The following KDM5A variants were observed in gnomAD, a reference collection of about 807,000 sequenced individuals.
KDM5A encodes lysine-specific demethylase 5A.
A neutral mutation model predicts 193.5 loss-of-function variants in KDM5A; 42 were observed. The ratio of observed to expected loss-of-function variants is 0.22; its 90% confidence interval spans 0.17 to 0.28. The LOEUF (loss-of-function observed/expected upper bound fraction) is 0.28. Ranked by LOEUF, KDM5A falls within the 10% of genes least tolerant of loss-of-function variation. The pLI, the probability that KDM5A is intolerant of heterozygous loss-of-function variation, is 1.00. For missense variants in KDM5A, 1,692 were observed against 2,055.1 expected (o/e 0.82, Z 3.42); for synonymous variants, 796 against 718.1 (o/e 1.11, Z -1.73).
intron 22 of KDM5A, among the ~76,000 whole-genome samples, chr12:308,684 A>C (rs556705668): frequency 1.3e-5 from 2 of 152,358 alleles, no homozygotes; most frequent in South Asian, 4.1e-4. Flanking sequence ...CTTTGAAACA[A>C]TTTTGAAATA....
At chr12:368,186 T>C (rs1375569911) in intron 3 of KDM5A, among the ~76,000 whole-genome samples, 1 of 152,166 alleles carries the variant, frequency 6.6e-6, no homozygotes, top group African/African-American at 2.4e-5. Flanking sequence ...CATAATTCCA[T>C]TTATATAAGC....
chr12:377,369 A>C lies in KDM5A; in HGVS notation c.366+6662T>G, dbSNP rs140521408. Among the ~76,000 whole-genome samples, 380 of 152,326 alleles carry C rather than the reference A, an allele frequency of 2.5e-3. 1 individual carries two copies. The highest frequency in any genetic ancestry group is 8.7e-3 in the African/African-American group (363 of 41,588). On this transcript the variant is annotated intron_variant, in intron 3 of 27. Coordinates refer to ENST00000399788, the MANE Select transcript of KDM5A (RefSeq NM_001042603.3). The stretch of plus-strand genomic sequence containing the variant: ...TTAGAAGAATTGAAAGAAATGAGTT[A>C]TCAGATTAGAAAGGTTATTGAGAGC...
chr12:309,469 G>A (rs372005358), intron 22 of KDM5A, among the ~76,000 whole-genome samples: 65 of 152,240 alleles, frequency 4.3e-4, no homozygotes, highest in East Asian at 1.5e-3. Flanking sequence ...ACATTGCTTC[G>A]CTTAAAGTTG....
intron 24 of KDM5A, among the ~76,000 whole-genome samples, chr12:300,187 T>C (rs918845496): frequency 1.3e-5 from 2 of 152,056 alleles, no homozygotes; most frequent in African/African-American, 2.4e-5. Context: ...GCAGACCTAA[T>C]AGACACCTAC....
intron 9 of KDM5A, 79 bp downstream of exon 9, chr12:352,126 A>G: frequency 1.9e-6 from 2 of 1,046,404 alleles, no homozygotes; most frequent in South Asian, 1.4e-5. Flanking sequence ...AAAAAAAAAA[A>G]AAAAGAGGAA....
chr12:287,081 G>A (rs1360397815), intron 27 of KDM5A, among the ~76,000 whole-genome samples: 1 of 152,118 alleles, frequency 6.6e-6, no homozygotes, highest in African/African-American at 2.4e-5. Flanking sequence ...GGATACTGGA[G>A]GCACTTTCCA....
intron 5 of KDM5A, among the ~76,000 whole-genome samples, chr12:362,363 G>T (rs1459275368): frequency 6.6e-6 from 1 of 151,984 alleles, no homozygotes; most frequent in African/African-American, 2.4e-5. Context: ...AATAAATTAG[G>T]GCATTTTTCT....
At position 283,378 on chromosome 12, in the gene KDM5A, A is replaced by G. The variant is rs1411562607; in HGVS notation, c.*2078T>C. 4.3e-6 allele frequency: 1 copy of G among 232,700 alleles called. No individual in the cohort carries two copies. The highest frequency in any genetic ancestry group is 8.5e-6 in the Non-Finnish European group (1 of 117,514). The allele number at this position is 232,700 out of a possible 1,614,324, so 14.4% of individuals were successfully genotyped here. On this transcript the variant is annotated 3_prime_UTR_variant, in exon 28 of 28. Transcript: ENST00000399788. Reference sequence around the variant, plus strand: ...AATATCCATTGAAATCTTCGATCATACACAAACTTACTTCAGATGAGACCT... The same window carrying G: ...AATATCCATTGAAATCTTCGATCATGCACAAACTTACTTCAGATGAGACCT...
At position 307,801 on chromosome 12, in the gene KDM5A, T is replaced by C. The variant is rs774538890; in HGVS notation, c.3583A>G (p.Ser1195Gly). The C allele has an allele frequency of 1.2e-6, 2 of 1,614,186 alleles. No homozygotes were observed. The highest frequency in any genetic ancestry group is 2.2e-5 in the South Asian group (2 of 91,080). The stretch of plus-strand genomic sequence containing the variant: ...CAGCTGGATCCTTTTTTTTGGGAAC[T>C]TGATTTAGGAAGAGGAACACAGCTG... ...HNSCVPLPKSSSQKKGSSWQA... is the reference protein window; with the variant it reads ...HNSCVPLPKSGSQKKGSSWQA... Residue 1195 changes from serine to glycine, a missense_variant, in exon 23 of 28, where the codon AGT (serine) becomes GGT (glycine). By Grantham distance (56) the Ser-to-Gly change is moderately conservative (BLOSUM62 0). Around this residue, in one of 11 missense-constraint regions of KDM5A, gnomAD observed 965 missense variants for 1,061.0 expected, o/e 0.91. Coordinates refer to ENST00000399788, the MANE Select transcript of KDM5A (RefSeq NM_001042603.3). The surrounding 1 kb of genome is among the most constrained non-coding windows in gnomAD (Gnocchi z 4.3).
chr12:281,202 T>A lies in KDM5A; in HGVS notation c.*4254A>T. 4.3e-6 allele frequency: 1 copy of A among 233,028 alleles called. No homozygotes were observed. Among genetic ancestry groups the A allele is most frequent in the Non-Finnish European group, 8.5e-6 (1 of 117,946 alleles). The allele number at this position is 233,028 out of a possible 1,614,324, so 14.4% of individuals were successfully genotyped here. A position where few individuals can be genotyped will look rare whatever the true frequency, so the allele number is the denominator to read the frequency against. On this transcript the variant is annotated 3_prime_UTR_variant, in exon 28 of 28. Transcript: ENST00000399788. ...CAAAACATGCTCAAAGATCAAGAAA[T>A]CGAGTTATACTTTTCATAAGGCACC...
At chr12:363,155 A>G in intron 4 of KDM5A, 58 bp from the exon 5 acceptor site, 3 of 1,603,750 alleles carry the variant, frequency 1.9e-6, no homozygotes, top group South Asian at 2.2e-5. Flanking sequence ...CATGCTGGAG[A>G]ATCAGTGTAA....
intron 5 of KDM5A, 106 bp from the exon 6 acceptor site, chr12:356,643 T>A: frequency 1.3e-6 from 1 of 745,550 alleles, no homozygotes; most frequent in Non-Finnish European, 2.4e-6. Context: ...AAGAACAAAT[T>A]ATTGGATTTC....
At chr12:297,992 T>G (rs1310043238) in intron 24 of KDM5A, among the ~76,000 whole-genome samples, 1 of 152,154 alleles carries the variant, frequency 6.6e-6, no homozygotes, top group African/African-American at 2.4e-5. Flanking sequence ...TATTGCTCTC[T>G]AGATTCCTCC....
chr12:380,502 G>C (rs1359261845), intron 3 of KDM5A, among the ~76,000 whole-genome samples: 1 of 152,108 alleles, frequency 6.6e-6, no homozygotes, highest in Non-Finnish European at 1.5e-5. Flanking sequence ...GATCATTTCA[G>C]GTCAGGAGTT....
At chr12:340,319 C>A (rs1053702039) in intron 10 of KDM5A, among the ~76,000 whole-genome samples, 5 of 152,118 alleles carry the variant, frequency 3.3e-5, no homozygotes, top group African/African-American at 1.2e-4. Context: ...GAAAGCAAAT[C>A]CATTAGCCCC....
intron 13 of KDM5A, among the ~76,000 whole-genome samples, chr12:331,478 G>A (rs570915250): frequency 4.1e-4 from 62 of 152,194 alleles, no homozygotes; most frequent in African/African-American, 1.4e-3. Context: ...AGAAGGGAGG[G>A]AGTCAAAATA....
chr12:374,885 A>C (rs1414809571), intron 3 of KDM5A, among the ~76,000 whole-genome samples: 2 of 151,982 alleles, frequency 1.3e-5, no homozygotes, highest in Non-Finnish European at 2.9e-5. Context: ...TTTTTTTTTA[A>C]GAATGTTGAA....
rs2137365191 is a variant in KDM5A, at chr12:292,916, G to A, written c.4709C>T (p.Ala1570Val). 1 of 1,613,986 alleles carries A rather than the reference G, an allele frequency of 6.2e-7. No individual in the cohort carries two copies. The highest frequency in any genetic ancestry group is 8.5e-7 in the Non-Finnish European group (1 of 1,180,010). Residue 1570 changes from alanine (A) to valine (V), a missense_variant, in exon 27 of 28, where the codon GCA becomes GTA. Coordinates refer to ENST00000399788, the MANE Select transcript of KDM5A (RefSeq NM_001042603.3). ...CTCTTTCACAAGTTCAACTTTGGCT[G>A]CAGCAGCCTTCTCCTTCTTTTTCTT... ...ERKKKKEKAA[A>V]AKVELVKEST... is the part of the protein sequence containing the mutation.
intron 3 of KDM5A, among the ~76,000 whole-genome samples, chr12:373,173 G>A (rs1387939227): frequency 6.6e-6 from 1 of 152,210 alleles, no homozygotes; most frequent in Non-Finnish European, 1.5e-5. Flanking sequence ...AATGGTACCA[G>A]CTCCTCCTTG....
Sources: gnomAD v4.1 joint callset for allele counts (sites outside exome capture counted in the v4.1 genomes callset) on GRCh38, gnomAD v4.1.1 for gene constraint, gnomAD v4.1.1 regional missense constraint, Gnocchi (gnomAD v3.1) non-coding constraint, MANE v1.5 for transcripts, NCBI Gene and HGNC (gene_info 2026-07-23, HGNC 2026-07-21) for gene names.